The following MAGI1 variants were observed in gnomAD, a reference collection of about 807,000 sequenced individuals.
MAGI1 encodes the protein membrane-associated guanylate kinase, WW and PDZ domain-containing protein 1.
MAGI1 carries 58 observed loss-of-function variants against 139.9 expected under a neutral mutation model. The ratio of observed to expected loss-of-function variants is 0.41; its 90% confidence interval spans 0.34 to 0.52. The LOEUF is 0.52. Among genes scored for constraint, MAGI1 ranks in the 20% least tolerant of loss-of-function variants. The probability of loss-of-function intolerance (pLI) is 0.12; values close to 1 mark genes in which losing one functional copy is unlikely to be tolerated. For synonymous variants in MAGI1, 812 were observed against 737.9 expected (o/e 1.10, Z -1.63); for missense variants, 1,874 against 1,901.6 (o/e 0.99, Z 0.27).
intron 15 of MAGI1, among the ~76,000 whole-genome samples, chr3:65,382,406 C>G (rs1943121338): frequency 1.3e-5 from 2 of 152,202 alleles, no homozygotes; most frequent in African/African-American, 4.8e-5. Context: ...TTCCATAAAA[C>G]TCTGCTAATT....
intron 4 of MAGI1, among the ~76,000 whole-genome samples, chr3:65,472,280 T>TCTTTGGAAGGTAGA (rs1206530247): frequency 6.6e-6 from 1 of 152,150 alleles, no homozygotes; most frequent in Non-Finnish European, 1.5e-5. Flanking sequence ...TTCTGGCATA[T>TCTTTGGAAGGTAGA]CTTTGGAAGG....
At chr3:65,532,912 T>C (rs1241509271) in intron 2 of MAGI1, 1 of 152,218 alleles carries the variant, frequency 6.6e-6, no homozygotes, top group Non-Finnish European at 1.5e-5. Flanking sequence ...ACGTTAGGGG[T>C]GTCGCTGGTT....
At chr3:65,909,389 C>T (rs1280178082) in intron 1 of MAGI1, among the ~76,000 whole-genome samples, 2 of 151,878 alleles carry the variant, frequency 1.3e-5, no homozygotes, top group East Asian at 1.9e-4. Flanking sequence ...GTTTAATTAG[C>T]TAGGTGTTGT....
intron 1 of MAGI1, among the ~76,000 whole-genome samples, chr3:65,650,828 T>C (rs995214925): frequency 1.3e-5 from 2 of 152,206 alleles, no homozygotes; most frequent in Non-Finnish European, 2.9e-5. Flanking sequence ...AATTAAAGTA[T>C]GAGAGGCATT....
intron 12 of MAGI1, among the ~76,000 whole-genome samples, chr3:65,414,112 C>T (rs890490491): frequency 6.6e-6 from 1 of 152,196 alleles, no homozygotes; most frequent in African/African-American, 2.4e-5. Context: ...TCTAATCAGG[C>T]TTTGAGTCAA....
chr3:65,979,408 G>A (rs1453592642), intron 1 of MAGI1, among the ~76,000 whole-genome samples: 2 of 152,098 alleles, frequency 1.3e-5, no homozygotes, highest in South Asian at 4.2e-4. Flanking sequence ...GGGACATGTG[G>A]TTTCAGCTAT....
intron 1 of MAGI1, among the ~76,000 whole-genome samples, chr3:65,673,447 C>G (rs541759533): frequency 6.6e-6 from 1 of 152,080 alleles, no homozygotes; most frequent in South Asian, 2.1e-4. Flanking sequence ...ACCAAATATT[C>G]GGGTTAAATA....
intron 1 of MAGI1, among the ~76,000 whole-genome samples, chr3:65,748,139 G>C (rs1011922278): frequency 6.6e-6 from 1 of 152,338 alleles, no homozygotes; most frequent in Non-Finnish European, 1.5e-5. Context: ...GCATGGGCCA[G>C]GGTGCTCCTT....
chr3:65,575,542 G>A (rs1355406733), intron 2 of MAGI1, among the ~76,000 whole-genome samples: 2 of 152,060 alleles, frequency 1.3e-5, no homozygotes, highest in African/African-American at 4.8e-5. Context: ...AGAAATGAAA[G>A]CATACATCCA....
chr3:65,406,532 T>A (rs1945353353), intron 12 of MAGI1, among the ~76,000 whole-genome samples: 1 of 152,208 alleles, frequency 6.6e-6, no homozygotes, highest in African/African-American at 2.4e-5. Context: ...ATTGTGATAT[T>A]CATTCCCCTC....
intron 1 of MAGI1, among the ~76,000 whole-genome samples, chr3:65,981,541 G>C (rs1403976630): frequency 6.6e-6 from 1 of 152,130 alleles, no homozygotes; most frequent in East Asian, 1.9e-4. Flanking sequence ...TTATATGAGA[G>C]ACTGTATTAG....
intron 1 of MAGI1, among the ~76,000 whole-genome samples, chr3:65,801,160 G>GA (rs1335749544): frequency 6.6e-6 from 1 of 152,172 alleles, no homozygotes; most frequent in African/African-American, 2.4e-5. Context: ...TGTTTCCAAT[G>GA]AAATAATCAC....
intron 1 of MAGI1, among the ~76,000 whole-genome samples, chr3:65,950,102 A>C (rs2063753934): frequency 3.3e-5 from 3 of 89,802 alleles, no homozygotes; most frequent in African/African-American, 1.2e-4. Context: ...AACAAAAAAA[A>C]AAAACAGAAC....
chr3:65,904,967 C>A (rs2061378139), intron 1 of MAGI1, among the ~76,000 whole-genome samples: 1 of 152,098 alleles, frequency 6.6e-6, no homozygotes, highest in Admixed American at 6.5e-5. Flanking sequence ...ACTTTCTCTG[C>A]AATGGAAATC....
At chr3:66,019,327 T>C (rs1022184987) in intron 1 of MAGI1, among the ~76,000 whole-genome samples, 1 of 152,170 alleles carries the variant, frequency 6.6e-6, no homozygotes, top group South Asian at 2.1e-4. Flanking sequence ...CATTAAAGGA[T>C]GTTTACAGTA....
intron 1 of MAGI1, among the ~76,000 whole-genome samples, chr3:65,638,375 T>A (rs1254423489): frequency 6.6e-6 from 1 of 152,066 alleles, no homozygotes; most frequent in Non-Finnish European, 1.5e-5. Context: ...ATTATGACAA[T>A]GTACAAAACA....
intron 12 of MAGI1, among the ~76,000 whole-genome samples, chr3:65,418,925 G>C (rs549617155): frequency 6.6e-6 from 1 of 152,334 alleles, no homozygotes; most frequent in Non-Finnish European, 1.5e-5. Context: ...TGACCCATGA[G>C]TGCTGCTACA....
intron 2 of MAGI1, among the ~76,000 whole-genome samples, chr3:65,552,259 G>GTGGGTGT (rs2079871731): frequency 1.4e-5 from 2 of 147,940 alleles, no homozygotes; most frequent in Non-Finnish European, 3.0e-5. Context: ...TGTGTATAGG[G>GTGGGTGT]GTGTGTGTGT....
intron 1 of MAGI1, among the ~76,000 whole-genome samples, chr3:65,858,299 T>C (rs904852304): frequency 1.3e-5 from 2 of 152,206 alleles, no homozygotes; most frequent in African/African-American, 4.8e-5. Flanking sequence ...CACTGCTCCA[T>C]GTTGACATAA....
Sources: gnomAD v4.1 joint callset for allele counts (sites outside exome capture counted in the v4.1 genomes callset) on GRCh38, gnomAD v4.1.1 for gene constraint, MANE v1.5 for transcripts, NCBI Gene and HGNC (gene_info 2026-07-23, HGNC 2026-07-21) for gene names.